The following ASIC2 variants were observed in gnomAD, a reference collection of about 807,000 sequenced individuals.
ASIC2 encodes the protein acid-sensing ion channel 2.
In ASIC2, 25 loss-of-function variants were observed where a neutral mutation model predicts 57.3. The observed-to-expected ratio is 0.44, with a 90% CI of 0.32 to 0.61. The LOEUF (loss-of-function observed/expected upper bound fraction) is 0.61. ASIC2 is among the 20% of genes least tolerant of loss of function. ASIC2 has a pLI of 0.06. For synonymous variants in ASIC2, 319 were observed against 307.5 expected, an observed-to-expected ratio of 1.04 and a Z score of -0.39; for missense variants, 641 against 738.1, an observed-to-expected ratio of 0.87 and a Z score of 1.52.
At chr17:33,377,695 T>C (rs934572432) in intron 1 of ASIC2, among the ~76,000 whole-genome samples, 4 of 152,260 alleles carry the variant, frequency 2.6e-5, no homozygotes, top group Non-Finnish European at 5.9e-5. Flanking sequence ...ACCATTCTTC[T>C]AGGCTCAGCT....
chr17:33,579,619 GGTGTTC>G (rs1904335630), intron 1 of ASIC2, among the ~76,000 whole-genome samples: 1 of 152,150 alleles, frequency 6.6e-6, no homozygotes, highest in African/African-American at 2.4e-5. Context: ...TGTTCCTTCA[GGTGTTC>G]AGCTGCGTCT....
intron 1 of ASIC2, among the ~76,000 whole-genome samples, chr17:33,630,668 C>T (rs1487522854): frequency 7.3e-6 from 1 of 136,270 alleles, no homozygotes; most frequent in East Asian, 2.4e-4. Flanking sequence ...CCTTCTGAGC[C>T]TGTTTTCTCC....
intron 1 of ASIC2, among the ~76,000 whole-genome samples, chr17:33,888,859 A>G (rs1249660710): frequency 6.6e-6 from 1 of 152,106 alleles, no homozygotes; most frequent in Non-Finnish European, 1.5e-5. Flanking sequence ...GTCATTGGCT[A>G]CTTTTGTGGT....
intron 1 of ASIC2, among the ~76,000 whole-genome samples, chr17:33,194,717 C>T (rs1357356370): frequency 2.0e-5 from 3 of 151,798 alleles, no homozygotes; most frequent in East Asian, 1.9e-4. Context: ...TTGCTGTTGA[C>T]TTACAGTACT....
chr17:33,395,586 A>T (rs1283889202), intron 1 of ASIC2, among the ~76,000 whole-genome samples: 1 of 152,176 alleles, frequency 6.6e-6, no homozygotes, highest in African/African-American at 2.4e-5. Context: ...CCCTATCACC[A>T]TCCATCTGTC....
rs530832437 is a variant in ASIC2 at position 33,029,376 on chromosome 17, A to G, written c.988-984T>C. Among the ~76,000 whole-genome samples, 10 of 152,080 alleles carry G rather than the reference A, an allele frequency of 6.6e-5. No homozygotes were observed. The South Asian group carries it at 1.9e-3, about 28-fold the overall frequency. ...AAACTTCATATAAATGAAAGCTTAC[A>G]CTATGTGCTCTTTTGCATCTAGCTT... On this transcript the variant is annotated intron_variant, in intron 3 of 9. Coordinates refer to ENST00000225823, the MANE Select transcript of ASIC2 (RefSeq NM_183377.2).
At chr17:33,443,968 G>A (rs1052649760) in intron 1 of ASIC2, among the ~76,000 whole-genome samples, 1 of 152,130 alleles carries the variant, frequency 6.6e-6, no homozygotes, top group Non-Finnish European at 1.5e-5. Flanking sequence ...GCTCAAACAA[G>A]TGCTTTCTGC....
At chr17:33,139,296 C>A (rs1446370880) in intron 1 of ASIC2, among the ~76,000 whole-genome samples, 1 of 152,198 alleles carries the variant, frequency 6.6e-6, no homozygotes, top group Admixed American at 6.5e-5. Flanking sequence ...GAGGCCAGCC[C>A]CCTCTTCTGA....
intron 1 of ASIC2, among the ~76,000 whole-genome samples, chr17:33,439,268 G>GA (rs1397950176): frequency 2.0e-5 from 3 of 152,214 alleles, no homozygotes; most frequent in Non-Finnish European, 4.4e-5. Flanking sequence ...AGTGAAAGGG[G>GA]ACAAGGCCTC....
intron 1 of ASIC2, among the ~76,000 whole-genome samples, chr17:33,163,866 C>T (rs887476500): frequency 2.0e-5 from 3 of 152,052 alleles, no homozygotes; most frequent in African/African-American, 7.2e-5. Context: ...CACTGAGAAG[C>T]CGGCATTTGA....
At chr17:33,807,084 G>A (rs768045205) in intron 1 of ASIC2, among the ~76,000 whole-genome samples, 1 of 152,098 alleles carries the variant, frequency 6.6e-6, no homozygotes, top group African/African-American at 2.4e-5. Context: ...GTCACAGACA[G>A]CATCTTCCCC....
At chr17:33,637,805 G>A (rs1422972450) in intron 1 of ASIC2, among the ~76,000 whole-genome samples, 2 of 152,228 alleles carry the variant, frequency 1.3e-5, no homozygotes, top group Non-Finnish European at 2.9e-5. Context: ...TAAAGAAAGA[G>A]TTTAATTGAA....
At chr17:33,854,562 C>G (rs764739276) in intron 1 of ASIC2, among the ~76,000 whole-genome samples, 3 of 152,204 alleles carry the variant, frequency 2.0e-5, no homozygotes, top group African/African-American at 7.2e-5. Context: ...TCTGAGGATA[C>G]TGCCCCAGGA....
intron 1 of ASIC2, among the ~76,000 whole-genome samples, chr17:33,340,809 G>A (rs1047907240): frequency 7.9e-5 from 12 of 152,142 alleles, no homozygotes; most frequent in African/African-American, 2.4e-4. Flanking sequence ...ATATGTTCAC[G>A]TGTGTATGGA....
intron 1 of ASIC2, chr17:34,080,743 T>C (rs981797617): frequency 6.6e-6 from 1 of 152,164 alleles, no homozygotes; most frequent in Non-Finnish European, 1.5e-5. Context: ...TTTTCAGACA[T>C]AGGAACTGAA....
chr17:33,119,818 G>T (rs771857643), intron 1 of ASIC2, among the ~76,000 whole-genome samples: 4 of 152,188 alleles, frequency 2.6e-5, no homozygotes, highest in African/African-American at 7.2e-5. Context: ...GAATGTGACC[G>T]CAATGCAGCC....
chr17:33,018,093 C>A (rs1449202140), intron 7 of ASIC2, among the ~76,000 whole-genome samples: 1 of 152,198 alleles, frequency 6.6e-6, no homozygotes, highest in Non-Finnish European at 1.5e-5. Context: ...AGATGCTCCC[C>A]TAACCCAATC....
chr17:33,304,052 A>G (rs1402196809), intron 1 of ASIC2, among the ~76,000 whole-genome samples: 2 of 152,234 alleles, frequency 1.3e-5, no homozygotes, highest in African/African-American at 4.8e-5. Flanking sequence ...TAATAGAGGG[A>G]AAAAATAACA....
At chr17:33,992,774 C>T (rs1473354767) in intron 1 of ASIC2, among the ~76,000 whole-genome samples, 1 of 152,194 alleles carries the variant, frequency 6.6e-6, no homozygotes, top group Non-Finnish European at 1.5e-5. Flanking sequence ...ACATCACTGA[C>T]TATATCCCCA....
Sources: allele counts gnomAD v4.1 joint callset (sites outside exome capture counted in the v4.1 genomes callset), GRCh38; gene constraint gnomAD v4.1.1; transcripts MANE v1.5; gene names NCBI Gene and HGNC (gene_info 2026-07-23, HGNC 2026-07-21).